The following ZDHHC14 variants were observed in gnomAD, a reference collection of about 807,000 sequenced individuals.
ZDHHC14 encodes palmitoyltransferase ZDHHC14.
In ZDHHC14, 16 loss-of-function variants were observed where a neutral mutation model predicts 47.7. That is an observed-to-expected ratio of 0.34 (90% CI 0.23 to 0.51). ZDHHC14 has a LOEUF of 0.51. ZDHHC14 is among the 20% of genes least tolerant of loss of function. The probability of loss-of-function intolerance (pLI) is 0.97; values close to 1 mark genes in which losing one functional copy is unlikely to be tolerated. For synonymous variants in ZDHHC14, 293 were observed against 278.9 expected, an observed-to-expected ratio of 1.05 and a Z score of -0.50; for missense variants, 515 against 662.5, an observed-to-expected ratio of 0.78 and a Z score of 2.44.
At chr6:157,528,112 C>T (rs546853568) in intron 1 of ZDHHC14, among the ~76,000 whole-genome samples, 4 of 152,274 alleles carry the variant, frequency 2.6e-5, no homozygotes, top group African/African-American at 9.6e-5. Flanking sequence ...TATGCTTTTT[C>T]CAGATGTTTC....
At chr6:157,535,684 G>A (rs1479482911) in intron 1 of ZDHHC14, among the ~76,000 whole-genome samples, 4 of 152,158 alleles carry the variant, frequency 2.6e-5, no homozygotes, top group African/African-American at 9.7e-5. Flanking sequence ...GTCACTAATC[G>A]TGCTTTCCAG....
chr6:157,622,192 A>G (rs540905610), intron 3 of ZDHHC14, among the ~76,000 whole-genome samples: 69 of 148,184 alleles, frequency 4.7e-4, no homozygotes, highest in African/African-American at 1.6e-3. Context: ...CCAACATGGC[A>G]AAATCCCATC....
intron 1 of ZDHHC14, among the ~76,000 whole-genome samples, chr6:157,385,292 A>G (rs1023638458): frequency 5.3e-5 from 8 of 151,574 alleles, no homozygotes; most frequent in African/African-American, 9.7e-5. Context: ...GGGTCTCACT[A>G]TGTTGCTCAC....
intron 2 of ZDHHC14, chr6:157,592,697 A>C: frequency 6.4e-6 from 7 of 1,100,530 alleles, no homozygotes; most frequent in Admixed American, 4.7e-5. Context: ...GGGAGGGGGA[A>C]GGAGGAAAAG....
At chr6:157,442,621 T>C (rs573735484) in intron 1 of ZDHHC14, among the ~76,000 whole-genome samples, 1 of 152,264 alleles carries the variant, frequency 6.6e-6, no homozygotes, top group Non-Finnish European at 1.5e-5. Context: ...AGTCCATCAG[T>C]GTTTTGCCTG....
chr6:157,503,957 A>C (rs150732436), intron 1 of ZDHHC14, among the ~76,000 whole-genome samples: 9 of 152,348 alleles, frequency 5.9e-5, no homozygotes, highest in African/African-American at 1.9e-4. Context: ...CTCTGACTCA[A>C]CAATTCCATT....
chr6:157,656,724 A>G (rs1208646074), intron 8 of ZDHHC14, among the ~76,000 whole-genome samples: 1 of 150,766 alleles, frequency 6.6e-6, no homozygotes, highest in South Asian at 2.1e-4. Context: ...AAAAACAAAA[A>G]AAAAAAAAAC....
intron 1 of ZDHHC14, among the ~76,000 whole-genome samples, chr6:157,441,298 T>C (rs1026832372): frequency 6.6e-6 from 1 of 152,240 alleles, no homozygotes; most frequent in African/African-American, 2.4e-5. Flanking sequence ...AGACGAGAGC[T>C]CTTCAGCTAG....
chr6:157,431,259 C>T (rs144085217), intron 1 of ZDHHC14, among the ~76,000 whole-genome samples: 1,594 of 152,302 alleles, frequency 0.01, 12 homozygotes, highest in Non-Finnish European at 0.018. Flanking sequence ...AAATAGATCA[C>T]TCAGCTGGTC....
intron 1 of ZDHHC14, among the ~76,000 whole-genome samples, chr6:157,509,526 A>G (rs908790274): frequency 1.3e-5 from 2 of 152,202 alleles, no homozygotes; most frequent in African/African-American, 4.8e-5. Context: ...GTCAGTTAGT[A>G]GGCGGCAGAG....
chr6:157,489,228 A>C (rs992582487), intron 1 of ZDHHC14, among the ~76,000 whole-genome samples: 6 of 152,214 alleles, frequency 3.9e-5, no homozygotes, highest in Non-Finnish European at 5.9e-5. Flanking sequence ...TTAGAATTGA[A>C]ATTTTTAGAA....
intron 4 of ZDHHC14, chr6:157,630,825 ACT>A (rs1324064850): frequency 8.2e-6 from 1 of 121,616 alleles, no homozygotes; most frequent in Non-Finnish European, 1.8e-5. Context: ...GGACACCCAC[ACT>A]CACTCTAGCC....
rs1305348610 is a variant in ZDHHC14 at position 157,427,475 on chromosome 6, C to T, written c.245+45209C>T. On this transcript the variant is annotated intron_variant, in intron 1 of 8. Coordinates refer to ENST00000359775, the MANE Select transcript of ZDHHC14 (RefSeq NM_024630.3). This position sits in a 1 kb window ranked among gnomAD's most constrained non-coding sequence, Gnocchi z 4.4. ...AGCAGGGCCTACCAGCATGGGTTGG[C>T]GTGGGGGTGAGGATGGTTGGCTGGG... 1.3e-5 allele frequency among the ~76,000 whole-genome samples: 2 copies of T among 151,890 alleles called. No individual in the cohort carries two copies. The highest frequency in any genetic ancestry group is 2.4e-5 in the African/African-American group (1 of 41,310).
chr6:157,632,630 G>A (rs1349967632), intron 4 of ZDHHC14: 1 of 613,938 alleles, frequency 1.6e-6, no homozygotes, highest in African/African-American at 1.8e-5. Flanking sequence ...GCAGATGTTG[G>A]GCCTAATTAT....
At chr6:157,485,162 G>A (rs1472896281) in intron 1 of ZDHHC14, among the ~76,000 whole-genome samples, 1 of 152,106 alleles carries the variant, frequency 6.6e-6, no homozygotes, top group Non-Finnish European at 1.5e-5. Flanking sequence ...TAGACTCTTG[G>A]ACCTAGACAT....
At chr6:157,664,383 T>C (rs1000908098) in intron 8 of ZDHHC14, among the ~76,000 whole-genome samples, 1 of 152,228 alleles carries the variant, frequency 6.6e-6, no homozygotes, top group African/African-American at 2.4e-5. Context: ...TTTAGATATG[T>C]GGTATAGAGA....
intron 2 of ZDHHC14, among the ~76,000 whole-genome samples, chr6:157,566,733 C>T (rs181704439): frequency 8.1e-4 from 123 of 152,306 alleles, no homozygotes; most frequent in Admixed American, 1.5e-3. Flanking sequence ...GGGGTCAGAA[C>T]CCAAGTCCCA....
intron 1 of ZDHHC14, among the ~76,000 whole-genome samples, chr6:157,446,938 G>A (rs996540876): frequency 1.3e-5 from 2 of 151,888 alleles, no homozygotes; most frequent in African/African-American, 4.8e-5. Context: ...GGCCAACATG[G>A]TGAAACCCAG....
Position 157,416,972 on chromosome 6 carries a change from G to GTTTTTTT in ZDHHC14, c.245+34729_245+34735dup, listed in dbSNP as rs71027335. On this transcript the variant is annotated intron_variant, in intron 1 of 8. Transcript: ENST00000359775. ...AGGTGCCCGCCACCATGCCTGGCTA[G>GTTTTTTT]TTTTTTTTTTTTTTTTTTTTTTTTT... Among the ~76,000 whole-genome samples, 140 of 45,548 alleles carry GTTTTTTT rather than the reference G, an allele frequency of 3.1e-3. 3 individuals carry two copies. Among genetic ancestry groups the GTTTTTTT allele is most frequent in the South Asian group, 4.5e-3 (3 of 668 alleles). 29.9% of individuals were successfully genotyped at this position (45,548 alleles called of 152,430 possible). A position where few individuals can be genotyped will look rare whatever the true frequency, so the allele number is the denominator to read the frequency against.
Sources: allele counts gnomAD v4.1 joint callset (sites outside exome capture counted in the v4.1 genomes callset), GRCh38; gene constraint gnomAD v4.1.1; non-coding constraint Gnocchi (gnomAD v3.1); transcripts MANE v1.5; gene names NCBI Gene and HGNC (gene_info 2026-07-23, HGNC 2026-07-21).